REPS1: variants seen among roughly 807,000 people sequenced by gnomAD.
The protein encoded by REPS1 is RALBP1 associated Eps domain containing 1.
A neutral mutation model predicts 100.9 loss-of-function variants in REPS1; 39 were observed. The ratio of observed to expected loss-of-function variants is 0.39; its 90% confidence interval spans 0.30 to 0.50. The LOEUF is 0.50. Among genes scored for constraint, REPS1 ranks in the 20% least tolerant of loss-of-function variants. The pLI is 0.86. For synonymous variants in REPS1, 324 were observed against 340.3 expected (o/e 0.95, Z 0.53); for missense variants, 821 against 968.5 (o/e 0.85, Z 2.02).
chr6:138,953,121 G>A (rs978685644), intron 1 of REPS1, among the ~76,000 whole-genome samples: 1 of 152,116 alleles, frequency 6.6e-6, no homozygotes, highest in Non-Finnish European at 1.5e-5. Context: ...ACAGGTGTGA[G>A]CCATTGCGCC....
intron 8 of REPS1, among the ~76,000 whole-genome samples, chr6:138,933,220 T>C (rs1266793378): frequency 6.6e-6 from 1 of 152,214 alleles, no homozygotes; most frequent in Non-Finnish European, 1.5e-5. Context: ...CCTTTTATTG[T>C]GTGAGGCTAG....
chr6:138,944,095 T>C, intron 5 of REPS1, 80 bp from the exon 6 acceptor site: 2 of 1,359,298 alleles, frequency 1.5e-6, no homozygotes, highest in South Asian at 1.3e-5. Context: ...TATTTATCTT[T>C]GAAAGTAAAA....
Position 138,945,368 on chromosome 6 carries a change from G to C in REPS1, c.479C>G (p.Pro160Arg). ...CTGTGGTGAAACTACTGGGGATGCA[G>C]GTTCCTAGAAAAGAATATTATTTTA... ...QPRTSADAQE[P>R]ASPVVSPQQS... Residue 160 changes from proline to arginine, a missense_variant, in exon 4 of 20, where the codon CCT becomes CGT. Physicochemically the swap from Pro to Arg is moderately radical, Grantham distance 103. This residue lies in a region of REPS1 where 757 missense variants were observed against 866.4 expected (regional missense o/e 0.87). Coordinates refer to ENST00000450536, the MANE Select transcript of REPS1 (RefSeq NM_001286611.2). 1 of 1,598,294 alleles carries C rather than the reference G, an allele frequency of 6.3e-7. No homozygotes were observed. Among genetic ancestry groups the C allele is most frequent in the Non-Finnish European group, 8.5e-7 (1 of 1,175,326 alleles).
At chr6:138,977,554 T>C (rs1317013927) in intron 1 of REPS1, among the ~76,000 whole-genome samples, 2 of 152,102 alleles carry the variant, frequency 1.3e-5, no homozygotes, top group Non-Finnish European at 2.9e-5. Context: ...CCCAGAGACA[T>C]GTTTTTGACA....
intron 8 of REPS1, among the ~76,000 whole-genome samples, chr6:138,930,493 A>G (rs901697060): frequency 6.6e-6 from 1 of 152,198 alleles, no homozygotes; most frequent in Admixed American, 6.5e-5. Context: ...TGCTCAAGTA[A>G]GTTTGGGGAA....
chr6:138,944,169 T>C (rs1390744153), intron 5 of REPS1, among the ~76,000 whole-genome samples, 154 bp from the exon 6 acceptor site: 1 of 152,266 alleles, frequency 6.6e-6, no homozygotes, highest in African/African-American at 2.4e-5. Context: ...TTATTGGATA[T>C]GTTTTTGCAC....
chr6:138,964,113 G>A (rs949092795), intron 1 of REPS1, among the ~76,000 whole-genome samples: 8 of 151,930 alleles, frequency 5.3e-5, no homozygotes, highest in Non-Finnish European at 8.8e-5. Flanking sequence ...CAACTCAAAT[G>A]CTCTTTGATT....
intron 14 of REPS1, chr6:138,915,049 T>C (rs1582714029): frequency 2.8e-6 from 1 of 354,280 alleles, no homozygotes; most frequent in South Asian, 4.1e-5. Context: ...TTCGTGTATC[T>C]CTGACTGCTG....
At chr6:138,937,128 C>G (rs1280685031) in intron 8 of REPS1, among the ~76,000 whole-genome samples, 1 of 151,884 alleles carries the variant, frequency 6.6e-6, no homozygotes, top group Admixed American at 6.6e-5. Context: ...CTTATAATAC[C>G]ATCAGATCTC....
At chr6:138,958,321 A>G (rs1273073745) in intron 1 of REPS1, among the ~76,000 whole-genome samples, 1 of 152,230 alleles carries the variant, frequency 6.6e-6, no homozygotes, top group African/African-American at 2.4e-5. Flanking sequence ...TTTTATTGTT[A>G]AGTTCTTGTG....
At chr6:138,938,968 T>C (rs1377356978) in intron 8 of REPS1, among the ~76,000 whole-genome samples, 2 of 151,866 alleles carry the variant, frequency 1.3e-5, no homozygotes, top group African/African-American at 4.8e-5. Flanking sequence ...CTGCCTCAGC[T>C]TCCTGAGTAG....
intron 1 of REPS1, among the ~76,000 whole-genome samples, chr6:138,973,206 G>A (rs1239549891): frequency 1.3e-5 from 2 of 152,132 alleles, no homozygotes; most frequent in Non-Finnish European, 2.9e-5. Context: ...AAAAGTTCAA[G>A]TAGGATGTCA....
chr6:138,987,666 A>G lies in REPS1; in HGVS notation c.17T>C (p.Leu6Pro), dbSNP rs1038578192. 6.5e-7 allele frequency: 1 copy of G among 1,546,398 alleles called. No homozygotes were observed. Among genetic ancestry groups the G allele is most frequent in the African/African-American group, 1.4e-5 (1 of 72,366 alleles). The change falls in exon 1 of 20, where the codon CTG (leucine) becomes CCG (proline). Residue 6 changes from leucine (L) to proline (P), a missense_variant. Physicochemically the swap from Leu to Pro is moderately conservative, Grantham distance 98. Around this residue, in one of 3 missense-constraint regions of REPS1, gnomAD observed 36 missense variants for 36.7 expected, o/e 0.98. Transcript: ENST00000450536. MEGLT[L>P]SDAEQKYYSD... is the part of the protein sequence containing the mutation. ...ATAGTATTTCTGCTCCGCATCGCTC[A>G]GCGTTAAGCCTTCCATCTTCGCCTC...
chr6:138,913,006 A>C, intron 15 of REPS1, 56 bp from the exon 16 acceptor site: 2 of 1,440,514 alleles, frequency 1.4e-6, no homozygotes, highest in Non-Finnish European at 1.9e-6. Flanking sequence ...TCAGTGTCAC[A>C]GAGTCATCTT....
In REPS1 at chr6:138,987,958, G is replaced by A; in HGVS notation, c.-276C>T. Reference sequence around the variant, plus strand: ...CGGCTCCGGCTCCGGCTCCGGCTCCGGCCGCGGGGAGGGTGCAGAGAAAGA... The same window carrying A: ...CGGCTCCGGCTCCGGCTCCGGCTCCAGCCGCGGGGAGGGTGCAGAGAAAGA... On this transcript the variant is annotated 5_prime_UTR_variant, in exon 1 of 20. Transcript: ENST00000450536. 1 of 381,532 alleles carries A rather than the reference G, an allele frequency of 2.6e-6. No individual in the cohort carries two copies. Among genetic ancestry groups the A allele is most frequent in the Non-Finnish European group, 4.6e-6 (1 of 216,328 alleles). 23.6% of individuals were successfully genotyped at this position (381,532 alleles called of 1,614,324 possible).
chr6:138,953,846 T>C (rs3950314), intron 1 of REPS1, among the ~76,000 whole-genome samples: 22,573 of 152,066 alleles, frequency 0.15, 1,766 homozygotes, highest in African/African-American at 0.17. Context: ...TACTGAGAAT[T>C]TATCCAAGGA....
chr6:138,905,664 A>G (rs975816161), intron 19 of REPS1, among the ~76,000 whole-genome samples: 1 of 152,240 alleles, frequency 6.6e-6, no homozygotes, highest in Non-Finnish European at 1.5e-5. Flanking sequence ...TATTACACAA[A>G]TCAGGGAAAT....
chr6:138,985,499 A>G (rs1345678844), intron 1 of REPS1, among the ~76,000 whole-genome samples: 1 of 152,214 alleles, frequency 6.6e-6, no homozygotes, highest in African/African-American at 2.4e-5. Flanking sequence ...GTGTTTTCAG[A>G]CAATCCCAAA....
chr6:138,922,162 T>C lies in REPS1; in HGVS notation c.1339-1038A>G, dbSNP rs140317605. On this transcript the variant is annotated intron_variant, in intron 10 of 19. Transcript: ENST00000450536. ...TCTAAGTAACAGACTGAAAACTCATTTTCAGTAAACTGCTCAAGAAAATTT... is the reference window on the plus strand; with the variant it reads ...TCTAAGTAACAGACTGAAAACTCATCTTCAGTAAACTGCTCAAGAAAATTT... 9.0e-4 allele frequency among the ~76,000 whole-genome samples: 137 copies of C among 152,316 alleles called. 1 individual carries two copies. Among genetic ancestry groups the C allele is most frequent in the African/African-American group, 3.2e-3 (131 of 41,572 alleles).
Sources: gnomAD v4.1 joint callset for allele counts (sites outside exome capture counted in the v4.1 genomes callset) on GRCh38, gnomAD v4.1.1 for gene constraint, gnomAD v4.1.1 regional missense constraint, MANE v1.5 for transcripts, NCBI Gene and HGNC (gene_info 2026-07-23, HGNC 2026-07-21) for gene names.